Variants in CERK observed in about 807,000 individuals in gnomAD.
The protein encoded by CERK is ceramide kinase.
Under a neutral mutation model 63.4 loss-of-function variants are expected in CERK, and 39 were observed. The observed-to-expected ratio is 0.61, with a 90% CI of 0.48 to 0.80. The LOEUF is 0.80. Among genes scored for constraint, CERK ranks in the 30% least tolerant of loss-of-function variants. The probability of loss-of-function intolerance (pLI) is 0.00; values close to 1 mark genes in which losing one functional copy is unlikely to be tolerated. For synonymous variants in CERK, 302 were observed against 280.0 expected (o/e 1.08, Z -0.78); for missense variants, 670 against 714.1 (o/e 0.94, Z 0.70).
intron 1 of CERK, among the ~76,000 whole-genome samples, chr22:46,726,317 AG>A (rs2082917893): frequency 6.6e-6 from 1 of 152,256 alleles, no homozygotes; most frequent in African/African-American, 2.4e-5. Context: ...CTGCCACGTG[AG>A]GACCGGCAGA....
At chr22:46,722,409 G>A (rs1393112879) in intron 1 of CERK, among the ~76,000 whole-genome samples, 1 of 152,062 alleles carries the variant, frequency 6.6e-6, no homozygotes. Context: ...TGATGGGGAG[G>A]GGGTGGGTTA....
intron 6 of CERK, 42 bp from the exon 7 acceptor site, chr22:46,701,752 CA>C: frequency 6.7e-7 from 1 of 1,484,476 alleles, no homozygotes; most frequent in Non-Finnish European, 9.2e-7. Flanking sequence ...ATCAGAATAA[CA>C]GAATTGTAAT....
chr22:46,691,859 C>T lies in CERK; in HGVS notation c.1127-82G>A, dbSNP rs1174291106. 15 of 1,010,584 alleles carry T rather than the reference C, an allele frequency of 1.5e-5. 1 individual carries two copies. The highest frequency in any genetic ancestry group is 6.2e-5 in the South Asian group (4 of 64,138). The allele number at this position is 1,010,584 out of a possible 1,614,324, so 62.6% of individuals were successfully genotyped here. ...TGCACCAGGACGGTGGGAGGCCATT[C>T]GGGCTCTCACCTGCTCATGCATTTA... On this transcript the variant is annotated intron_variant, in intron 10 of 12. Coordinates refer to ENST00000216264, the MANE Select transcript of CERK (RefSeq NM_022766.6).
intron 1 of CERK, among the ~76,000 whole-genome samples, chr22:46,726,234 C>T (rs1451874777): frequency 1.3e-5 from 2 of 152,230 alleles, no homozygotes; most frequent in Non-Finnish European, 2.9e-5. Context: ...GCATATGCAA[C>T]GAGAACAAGA....
intron 1 of CERK, among the ~76,000 whole-genome samples, chr22:46,724,262 T>C (rs545992022): frequency 6.6e-6 from 1 of 152,350 alleles, no homozygotes. Context: ...TTTATTGTAA[T>C]AATACAGCAT....
intron 4 of CERK, 26 bp downstream of exon 4, chr22:46,712,142 T>C (rs2082844145): frequency 6.2e-7 from 1 of 1,613,098 alleles, no homozygotes; most frequent in Non-Finnish European, 8.5e-7. Context: ...AACTTACTTC[T>C]ACATAGTTAA....
intron 3 of CERK, among the ~76,000 whole-genome samples, chr22:46,713,329 C>A (rs1301229979): frequency 6.6e-6 from 1 of 151,014 alleles, no homozygotes; most frequent in East Asian, 2.0e-4. Flanking sequence ...ACGGTGAAAT[C>A]CCGTCTCTAC....
chr22:46,707,848 G>T lies in CERK; in HGVS notation c.710C>A (p.Pro237His). ...ATGCCAGGCCGGCTCCATACCTGCG[G>T]GAATGATTCCAATCCGGAGGCTACT... The part of the protein sequence containing the change: ...VPSSLRIGII[P>H]AGSTDCVCYS... Residue 237 changes from proline to histidine, a missense_variant, in exon 6 of 13, where the codon CCC (proline) becomes CAC (histidine). Physicochemically the swap from Pro to His is moderately conservative, Grantham distance 77 (BLOSUM62 -2). Transcript: ENST00000216264. The T allele has an allele frequency of 6.2e-7, 1 of 1,607,154 alleles. No individual in the cohort carries two copies. The highest frequency in any genetic ancestry group is 8.5e-7 in the Non-Finnish European group (1 of 1,175,192).
At position 46,720,246 on chromosome 22, in the gene CERK, G is replaced by T. The variant is rs376632223; in HGVS notation, c.257-38C>A. The T allele has an allele frequency of 4.1e-5, 65 of 1,584,284 alleles. No individual in the cohort carries two copies. In the African/African-American group the frequency reaches 8.3e-4, roughly 20 times the overall value. On this transcript the variant is annotated intron_variant, in intron 2 of 12. Transcript: ENST00000216264. ...AAGCATGCTCGTTAGTGCAAAGTTT[G>T]CAGGGTCACTGACAAAACCTCAAGT...
At chr22:46,690,264 AACACCCCAGGCCTG>A in intron 11 of CERK, 64 bp from the exon 12 acceptor site, 2 of 1,395,152 alleles carry the variant, frequency 1.4e-6, no homozygotes, top group Non-Finnish European at 2.0e-6. Context: ...GGGGCAGCAG[AACACCCCAGGCCTG>A]ACAGCGAGCG....
At chr22:46,711,580 G>A (rs1367371464) in intron 4 of CERK, among the ~76,000 whole-genome samples, 1 of 152,158 alleles carries the variant, frequency 6.6e-6, no homozygotes, top group Non-Finnish European at 1.5e-5. Context: ...CCCGGTGTGT[G>A]ATGTGAGATT....
At position 46,701,642 on chromosome 22, in the gene CERK, CGATAT is replaced by C; in HGVS notation, c.779_783del (p.His260ArgfsTer40). 6.4e-7 allele frequency: 1 copy of C among 1,556,986 alleles called. No homozygotes were observed. Among genetic ancestry groups the C allele is most frequent in the Non-Finnish European group, 8.7e-7 (1 of 1,150,230 alleles). On this transcript the variant is annotated frameshift_variant, in exon 7 of 13. Coordinates refer to ENST00000216264, the MANE Select transcript of CERK (RefSeq NM_022766.6). LOFTEE classifies it high-confidence loss of function. ...GCGCAGAGGAGGGGCTCACCAACAA[CGATAT>C]GCAGCGCCGAGGTTTCTGCGTCGCT...
At chr22:46,697,821 A>G (rs2146549764) in intron 8 of CERK, among the ~76,000 whole-genome samples, 1 of 152,314 alleles carries the variant, frequency 6.6e-6, no homozygotes, top group East Asian at 1.9e-4. Context: ...ATGTATTTTT[A>G]AAGTTCTCCT....
chr22:46,699,226 G>A (rs529213934), intron 8 of CERK, 87 bp downstream of exon 8: 125 of 1,370,012 alleles, frequency 9.1e-5, no homozygotes, highest in South Asian at 7.9e-4. Flanking sequence ...CACCTCTGAC[G>A]GTGCTCAGTG....
At chr22:46,731,327 G>C (rs1173987719) in intron 1 of CERK, among the ~76,000 whole-genome samples, 2 of 152,222 alleles carry the variant, frequency 1.3e-5, no homozygotes, top group Non-Finnish European at 2.9e-5. Flanking sequence ...TGCATGTGGG[G>C]AGCGGCAAGG....
At chr22:46,722,231 G>A (rs1237202777) in intron 1 of CERK, among the ~76,000 whole-genome samples, 1 of 152,206 alleles carries the variant, frequency 6.6e-6, no homozygotes, top group Non-Finnish European at 1.5e-5. Context: ...TAACATTTGT[G>A]GTAATTTTGC....
At chr22:46,718,125 G>A (rs950047372) in intron 3 of CERK, among the ~76,000 whole-genome samples, 1 of 152,026 alleles carries the variant, frequency 6.6e-6, no homozygotes, top group East Asian at 1.9e-4. Flanking sequence ...CAGATAACAG[G>A]GTTAGAAGTT....
At chr22:46,698,313 G>A (rs1375673367) in intron 8 of CERK, among the ~76,000 whole-genome samples, 2 of 152,366 alleles carry the variant, frequency 1.3e-5, no homozygotes, top group Non-Finnish European at 2.9e-5. Flanking sequence ...CACTGCGGCC[G>A]AGCCGCAGGA....
intron 6 of CERK, 143 bp downstream of exon 6, chr22:46,707,700 C>T (rs1439863815): frequency 2.1e-6 from 2 of 939,020 alleles, no homozygotes; most frequent in Admixed American, 2.3e-5. Flanking sequence ...GATATCCCCC[C>T]AAGAGTGGCC....
Sources: gnomAD v4.1 joint callset for allele counts (sites outside exome capture counted in the v4.1 genomes callset) on GRCh38, gnomAD v4.1.1 for gene constraint, MANE v1.5 for transcripts, NCBI Gene and HGNC (gene_info 2026-07-23, HGNC 2026-07-21) for gene names.